The following ERAP2 variants were observed in gnomAD, a reference collection of about 807,000 sequenced individuals.
ERAP2 encodes leukocyte-derived arginine aminopeptidase.
Under a neutral mutation model 111.1 loss-of-function variants are expected in ERAP2, and 118 were observed. The observed-to-expected ratio is 1.06, with a 90% CI of 0.92 to 1.24. The LOEUF (loss-of-function observed/expected upper bound fraction) is 1.24. Among genes scored for constraint, ERAP2 ranks in the 50% most tolerant of loss-of-function variants. The pLI is 0.00. For synonymous variants in ERAP2, 410 were observed against 401.2 expected (o/e 1.02, Z -0.26); for missense variants, 1,131 against 1,125.8 (o/e 1.00, Z -0.07).
intron 9 of ERAP2, among the ~76,000 whole-genome samples, chr5:96,899,635 T>C (rs990804016): frequency 2.6e-5 from 4 of 152,198 alleles, no homozygotes; most frequent in African/African-American, 9.6e-5. Flanking sequence ...TGTACACTCA[T>C]CACATGCTGT....
At chr5:96,913,480 T>C (rs770796333) in intron 17 of ERAP2, 23 bp downstream of exon 17, 2 of 1,612,960 alleles carry the variant, frequency 1.2e-6, no homozygotes, top group East Asian at 2.2e-5. Context: ...TTTCATCCAA[T>C]GTTTGTTCTT....
intron 3 of ERAP2, 112 bp downstream of exon 3, chr5:96,884,042 C>G (rs1783453899): frequency 3.8e-6 from 1 of 261,482 alleles, no homozygotes; most frequent in African/African-American, 3.2e-5. Context: ...TTTTATCTAT[C>G]TATCTATCTA....
rs1787587292 is a variant in ERAP2 at position 96,917,780 on chromosome 5, C to A, written c.*175C>A. ...AATTAGCCGGGCATGGTGGCAGGTG[C>A]CTGTAGTCCCAGCTACTCGGCAGGC... On this transcript the variant is annotated 3_prime_UTR_variant, in exon 19 of 19. Transcript: ENST00000437043. The A allele has an allele frequency of 2.6e-6, 1 of 387,820 alleles. No homozygotes were observed. Among genetic ancestry groups the A allele is most frequent in the Non-Finnish European group, 4.7e-6 (1 of 214,680 alleles). The allele number at this position is 387,820 out of a possible 1,614,324, so 24.0% of individuals were successfully genotyped here.
intron 15 of ERAP2, among the ~76,000 whole-genome samples, 187 bp from the exon 16 acceptor site, chr5:96,912,450 A>T (rs1786903699): frequency 6.6e-6 from 1 of 152,176 alleles, no homozygotes; most frequent in South Asian, 2.1e-4. Flanking sequence ...AGGAGATAAA[A>T]CACAAATAAT....
chr5:96,896,965 T>TAAGTCATATGTTGGGTAACGATAGATTG, intron 9 of ERAP2, 102 bp downstream of exon 9: 2 of 987,682 alleles, frequency 2.0e-6, no homozygotes, highest in Non-Finnish European at 1.4e-6. Context: ...GTCAACCATA[T>TAAGTCATATGTTGGGTAACGATAGATTG]TTATTCTGCT....
chr5:96,885,094 T>A (rs949026046), intron 3 of ERAP2, among the ~76,000 whole-genome samples: 1 of 152,234 alleles, frequency 6.6e-6, no homozygotes. Context: ...ATCGTCTTCA[T>A]CTGGTGGGGA....
At chr5:96,885,023 C>A (rs1057209272) in intron 3 of ERAP2, among the ~76,000 whole-genome samples, 6 of 152,180 alleles carry the variant, frequency 3.9e-5, no homozygotes, top group Admixed American at 2.0e-4. Flanking sequence ...CTATTTAAGG[C>A]AATGTTAATC....
chr5:96,909,210 T>A, intron 14 of ERAP2, 93 bp downstream of exon 14: 1 of 1,272,906 alleles, frequency 7.9e-7, no homozygotes, highest in Non-Finnish European at 1.1e-6. Flanking sequence ...TCCTTGAGGT[T>A]AAATCTGGAG....
Position 96,913,310 on chromosome 5 carries a change from T to C in ERAP2, c.2517-7T>C. 1 of 1,612,222 alleles carries C rather than the reference T, an allele frequency of 6.2e-7. No individual in the cohort carries two copies. Among genetic ancestry groups the C allele is most frequent in the Non-Finnish European group, 8.5e-7 (1 of 1,178,830 alleles). Reference sequence around the variant, plus strand: ...TATTTAGAAACAAATTATTTTTCTTTCTTCAGGTTAATTGAACTAGGAATG... The same window carrying C: ...TATTTAGAAACAAATTATTTTTCTTCCTTCAGGTTAATTGAACTAGGAATG... On this transcript the variant is annotated splice_polypyrimidine_tract_variant and splice_region_variant and intron_variant, in intron 16 of 18. Transcript: ENST00000437043.
chr5:96,892,162 A>C, intron 5 of ERAP2, 137 bp from the exon 6 acceptor site: 1 of 791,216 alleles, frequency 1.3e-6, no homozygotes, highest in Non-Finnish European at 2.0e-6. Flanking sequence ...CACCCTGTCA[A>C]TGTTAAGATA....
At chr5:96,886,461 AC>A (rs1783720332) in intron 3 of ERAP2, among the ~76,000 whole-genome samples, 193 bp from the exon 4 acceptor site, 1 of 152,326 alleles carries the variant, frequency 6.6e-6, no homozygotes, top group African/African-American at 2.4e-5. Flanking sequence ...TTTGTTTTCA[AC>A]AGAGTGTTGG....
chr5:96,889,377 C>T (rs757777842), intron 5 of ERAP2, 72 bp downstream of exon 5: 1 of 1,525,776 alleles, frequency 6.6e-7, no homozygotes, highest in South Asian at 1.1e-5. Context: ...CCCTCTTTCT[C>T]TTTCTATGTG....
chr5:96,912,475 C>T (rs142872628), intron 15 of ERAP2, among the ~76,000 whole-genome samples, 162 bp from the exon 16 acceptor site: 181 of 152,090 alleles, frequency 1.2e-3, no homozygotes, highest in African/African-American at 4.2e-3. Flanking sequence ...AGAGTAAAAG[C>T]ACATAAAATA....
At chr5:96,912,950 C>A in intron 16 of ERAP2, 152 bp downstream of exon 16, 1 of 641,424 alleles carries the variant, frequency 1.6e-6, no homozygotes, top group Non-Finnish European at 2.6e-6. Context: ...AATATATTGA[C>A]AAAATGCAAA....
At chr5:96,887,238 G>T (rs1036174565) in intron 4 of ERAP2, among the ~76,000 whole-genome samples, 3 of 150,888 alleles carry the variant, frequency 2.0e-5, no homozygotes, top group African/African-American at 2.4e-5. Context: ...ATTAATAATT[G>T]CATGGAGGTT....
chr5:96,902,134 T>C lies in ERAP2; in HGVS notation c.1749-140T>C, dbSNP rs572204802. 1.0e-5 allele frequency: 6 copies of C among 582,450 alleles called. No homozygotes were observed. The South Asian group carries it at 1.5e-4, about 14-fold the overall frequency. 36.1% of individuals were successfully genotyped at this position (582,450 alleles called of 1,614,324 possible). The stretch of plus-strand genomic sequence containing the variant: ...TTAAGGATATGCTAGTCTTAGCCTA[T>C]AAAATTTATAAGACCACTTGTGGGT... On this transcript the variant is annotated intron_variant, in intron 11 of 18. Transcript: ENST00000437043.
Position 96,913,408 on chromosome 5 carries a change from C to G in ERAP2, c.2608C>G (p.Gln870Glu). The G allele has an allele frequency of 6.2e-7, 1 of 1,614,098 alleles. No homozygotes were observed. The highest frequency in any genetic ancestry group is 8.5e-7 in the Non-Finnish European group (1 of 1,179,966). Residue 870 changes from glutamine to glutamate, a missense_variant, in exon 17 of 19, where the codon CAA becomes GAA. Physicochemically the swap from Gln to Glu is conservative, Grantham distance 29. This residue lies in a region of ERAP2 where 279 missense variants were observed against 250.9 expected (regional missense o/e 1.11). Transcript: ENST00000437043. ...HAIARRPKGQ[Q>E]LAWDFVRENW... is the part of the protein sequence containing the mutation. The stretch of plus-strand genomic sequence containing the variant: ...GATTGCCAGACGTCCAAAGGGGCAG[C>G]AACTAGCATGGGATTTTGTAAGAGA...
chr5:96,881,029 G>A (rs1561357279), intron 2 of ERAP2: 1 of 166,676 alleles, frequency 6.0e-6, no homozygotes, highest in South Asian at 1.3e-4. Flanking sequence ...AGAACATCTC[G>A]GGGCAAGTGC....
chr5:96,901,833 C>G, intron 11 of ERAP2, 152 bp downstream of exon 11: 1 of 743,972 alleles, frequency 1.3e-6, no homozygotes, highest in South Asian at 2.1e-5. Context: ...ATTTAAAGAG[C>G]TTCATATAAC....
Sources: allele counts gnomAD v4.1 joint callset (sites outside exome capture counted in the v4.1 genomes callset), GRCh38; gene constraint gnomAD v4.1.1; regional missense constraint gnomAD v4.1.1; transcripts MANE v1.5; gene names NCBI Gene and HGNC (gene_info 2026-07-23, HGNC 2026-07-21).